PBRM1: variants seen among roughly 807,000 people sequenced by gnomAD.
PBRM1 encodes the protein polybromo 1, also known as protein polybromo-1.
In PBRM1, 27 loss-of-function variants were observed where a neutral mutation model predicts 194.5. The ratio of observed to expected loss-of-function variants is 0.14; its 90% CI spans 0.10 to 0.19. PBRM1 has a LOEUF of 0.19. PBRM1 is among the 10% of genes least tolerant of loss of function. PBRM1 has a pLI of 1.00. For synonymous variants in PBRM1, 655 were observed against 693.2 expected (o/e 0.94, Z 0.87); for missense variants, 1,466 against 2,077.2 (o/e 0.71, Z 5.72).
chr3:52,598,338 T>C (rs886127593), intron 17 of PBRM1, among the ~76,000 whole-genome samples: 4 of 152,200 alleles, frequency 2.6e-5, no homozygotes, highest in African/African-American at 9.6e-5. Flanking sequence ...TAAACAATAA[T>C]TATCCATTTC....
chr3:52,670,355 A>G (rs1334622325), intron 2 of PBRM1, among the ~76,000 whole-genome samples: 1 of 152,242 alleles, frequency 6.6e-6, no homozygotes, highest in African/African-American at 2.4e-5. Context: ...GAAATCAAAC[A>G]TACAGAAAAC....
At chr3:52,604,981 A>ATAAATAAATAAATAAATAAT (rs1238956839) in intron 16 of PBRM1, among the ~76,000 whole-genome samples, 1 of 152,026 alleles carries the variant, frequency 6.6e-6, no homozygotes, top group East Asian at 1.9e-4. Flanking sequence ...AAATAAATAA[A>ATAAATAAATAAATAAATAAT]TAAATAAATA....
chr3:52,549,415 T>TCAA (rs2080305918), intron 29 of PBRM1, among the ~76,000 whole-genome samples: 2 of 152,100 alleles, frequency 1.3e-5, no homozygotes, highest in African/African-American at 4.8e-5. Flanking sequence ...ATCTGTCCAC[T>TCAA]TCAGCCTCCC....
intron 27 of PBRM1, among the ~76,000 whole-genome samples, chr3:52,552,432 G>T (rs1379363374): frequency 6.6e-6 from 1 of 152,166 alleles, no homozygotes; most frequent in Non-Finnish European, 1.5e-5. Context: ...GGTCTTCCCT[G>T]ACTCCTGGCT....
chr3:52,570,911 TAG>T (rs769547229), intron 22 of PBRM1, among the ~76,000 whole-genome samples: 1 of 150,586 alleles, frequency 6.6e-6, no homozygotes, highest in Admixed American at 6.6e-5. Context: ...TTTTTTTTGG[TAG>T]AGTTTCCTTC....
rs755241328 is a variant in PBRM1 at position 52,637,773 on chromosome 3, C to CAAAAAAAAAAAAAAAAAA, written c.1088-2976_1088-2959dup. On this transcript the variant is annotated intron_variant, in intron 10 of 29. Coordinates refer to ENST00000296302, the Ensembl canonical transcript of PBRM1. ...CAAAACCATGTCTCTACTAAAAATA[C>CAAAAAAAAAAAAAAAAAA]AAAAAAAAAAAAAAAAAAAAAAAAT... 2.6e-3 allele frequency among the ~76,000 whole-genome samples: 110 copies of CAAAAAAAAAAAAAAAAAA among 42,226 alleles called. 15 individuals carry two copies. The highest frequency in any genetic ancestry group is 4.7e-3 in the East Asian group (6 of 1,264). 27.7% of individuals were successfully genotyped at this position (42,226 alleles called of 152,430 possible).
chr3:52,554,295 G>C (rs575330384), intron 27 of PBRM1, among the ~76,000 whole-genome samples: 1 of 152,348 alleles, frequency 6.6e-6, no homozygotes, highest in South Asian at 2.1e-4. Flanking sequence ...TGTGAGATAA[G>C]AATTGCACCA....
At chr3:52,568,990 C>T (rs1452866016) in intron 22 of PBRM1, among the ~76,000 whole-genome samples, 1 of 152,012 alleles carries the variant, frequency 6.6e-6, no homozygotes, top group African/African-American at 2.4e-5. Flanking sequence ...TGGGCTCAAG[C>T]GATCCTCACA....
chr3:52,617,259 T>C lies in PBRM1; in HGVS notation c.1818+3A>G, dbSNP rs778031394. 6.2e-7 allele frequency: 1 copy of C among 1,611,988 alleles called. No homozygotes were observed. The highest frequency in any genetic ancestry group is 8.5e-7 in the Non-Finnish European group (1 of 1,179,088). On this transcript the variant is annotated splice_donor_region_variant and intron_variant, in intron 14 of 29. Coordinates refer to ENST00000296302, the Ensembl canonical transcript of PBRM1. ...CTACTTCAGGACCGCTGGCCCTCCT[T>C]ACCTGGGAGCCCTCCTCATTATAGT...
intron 27 of PBRM1, among the ~76,000 whole-genome samples, chr3:52,551,319 T>C (rs1212872487): frequency 6.6e-6 from 1 of 152,172 alleles, no homozygotes; most frequent in African/African-American, 2.4e-5. Flanking sequence ...TGCTATCCCC[T>C]CCCAGACCAT....
chr3:52,668,739 G>C (rs2096888535), intron 2 of PBRM1, 94 bp from the exon 4 acceptor site: 1 of 459,878 alleles, frequency 2.2e-6, no homozygotes, highest in South Asian at 3.4e-5. Flanking sequence ...AACATTCCAA[G>C]TGACAGAGCA....
chr3:52,577,881 C>G (rs2090098141), intron 21 of PBRM1, among the ~76,000 whole-genome samples: 1 of 152,160 alleles, frequency 6.6e-6, no homozygotes, highest in South Asian at 2.1e-4. Context: ...TCACTCTGTG[C>G]TTGAAACAAT....
chr3:52,598,453 C>G lies in PBRM1; in HGVS notation c.2779+5068G>C, dbSNP rs2093730398. On this transcript the variant is annotated intron_variant, in intron 17 of 29. Transcript: ENST00000296302. ...AAAGTATAATCATACAATATCTGTC[C>G]TTTTCAGTTTGGCTTACTTCACTTA... Among the ~76,000 whole-genome samples the G allele has an allele frequency of 2.0e-5, 3 of 152,194 alleles. No individual in the cohort carries two copies. The South Asian group carries it at 6.2e-4, about 32-fold the overall frequency.
Position 52,665,330 on chromosome 3 carries a change from A to AT in PBRM1, c.385-3055dup, listed in dbSNP as rs5848957. On this transcript the variant is annotated intron_variant, in intron 3 of 29. Transcript: ENST00000296302. Reference sequence around the variant, plus strand: ...TCACCATGCTCAGCCAATTAAAACAATTTTTTTTTTTTTTGTAGAGGTGGG... The same window carrying AT: ...TCACCATGCTCAGCCAATTAAAACAATTTTTTTTTTTTTTTGTAGAGGTGGG... Among the ~76,000 whole-genome samples, 154 of 146,730 alleles carry AT rather than the reference A, an allele frequency of 1.0e-3. 1 individual carries two copies. The highest frequency in any genetic ancestry group is 4.5e-3 in the South Asian group (21 of 4,620).
chr3:52,643,431 CT>C, intron 8 of PBRM1, 88 bp from the exon 10 acceptor site: 1 of 832,482 alleles, frequency 1.2e-6, no homozygotes, highest in Non-Finnish European at 2.1e-6. Flanking sequence ...CCATTTTCTT[CT>C]CTTCTAAATA....
chr3:52,546,642 C>G (rs1475960000), downstream of PBRM1: 1 of 231,972 alleles, frequency 4.3e-6, no homozygotes. Context: ...GGAAGCTCTA[C>G]CACAATGGCA....
chr3:52,670,820 G>A (rs757553536), intron 2 of PBRM1, among the ~76,000 whole-genome samples: 1 of 152,222 alleles, frequency 6.6e-6, no homozygotes, highest in Non-Finnish European at 1.5e-5. Flanking sequence ...TGGTGCTGGT[G>A]AGTAGCCTGC....
intron 11 of PBRM1, among the ~76,000 whole-genome samples, chr3:52,633,394 A>G (rs954208474): frequency 6.6e-6 from 1 of 152,010 alleles, no homozygotes. Context: ...TGTACACACC[A>G]TTTTGCGTAT....
intron 5 of PBRM1, among the ~76,000 whole-genome samples, chr3:52,653,312 G>T (rs145175380): frequency 6.6e-6 from 1 of 151,830 alleles, no homozygotes. Flanking sequence ...AAGCACGGCT[G>T]GGCATGGTGG....
Sources: gnomAD v4.1 joint callset for allele counts (sites outside exome capture counted in the v4.1 genomes callset) on GRCh38, gnomAD v4.1.1 for gene constraint, MANE v1.5 for transcripts, NCBI Gene and HGNC (gene_info 2026-07-23, HGNC 2026-07-21) for gene names.